Variants in ZNF385D observed in about 807,000 individuals in gnomAD.
ZNF385D encodes the protein zinc finger protein 659.
A neutral mutation model predicts 35.8 loss-of-function variants in ZNF385D; 15 were observed. The ratio of observed to expected loss-of-function variants is 0.42; its 90% CI spans 0.28 to 0.64. The LOEUF (loss-of-function observed/expected upper bound fraction) is 0.64. ZNF385D is among the 30% of genes least tolerant of loss of function. The probability of loss-of-function intolerance (pLI) is 0.23; values close to 1 mark genes in which losing one functional copy is unlikely to be tolerated. For missense variants in ZNF385D, 474 were observed against 494.6 expected, an observed-to-expected ratio of 0.96 and a Z score of 0.39; for synonymous variants, 212 against 186.8, an observed-to-expected ratio of 1.13 and a Z score of -1.10.
At chr3:21,488,085 T>C (rs1559339597) in intron 4 of ZNF385D, among the ~76,000 whole-genome samples, 1 of 152,090 alleles carries the variant, frequency 6.6e-6, no homozygotes, top group Non-Finnish European at 1.5e-5. Context: ...TCACACTCTT[T>C]CCTGGTTGAA....
chr3:22,063,666 A>T (rs376952348), intron 3 of ZNF385D, among the ~76,000 whole-genome samples: 6 of 152,318 alleles, frequency 3.9e-5, no homozygotes, highest in African/African-American at 1.4e-4. Flanking sequence ...GCTGCTAGGC[A>T]TGCTGCGTGC....
At chr3:22,162,283 G>C (rs892379410) in intron 3 of ZNF385D, among the ~76,000 whole-genome samples, 1 of 152,118 alleles carries the variant, frequency 6.6e-6, no homozygotes, top group Non-Finnish European at 1.5e-5. Flanking sequence ...GCTATTCAGA[G>C]GGGCTACAGA....
At chr3:22,145,622 C>T (rs183027846) in intron 3 of ZNF385D, among the ~76,000 whole-genome samples, 117 of 152,226 alleles carry the variant, frequency 7.7e-4, no homozygotes, top group African/African-American at 2.7e-3. Context: ...CAAATATATG[C>T]GATTTTGGGG....
At chr3:22,092,339 C>G (rs952697095) in intron 3 of ZNF385D, among the ~76,000 whole-genome samples, 1 of 152,154 alleles carries the variant, frequency 6.6e-6, no homozygotes, top group Non-Finnish European at 1.5e-5. Context: ...TCCTACAACA[C>G]AGCTTGTTTC....
chr3:21,798,902 T>TA (rs1438386850), intron 3 of ZNF385D, among the ~76,000 whole-genome samples: 1 of 152,170 alleles, frequency 6.6e-6, no homozygotes, highest in African/African-American at 2.4e-5. Context: ...TCTATATAGT[T>TA]AAAAAATATT....
intron 2 of ZNF385D, among the ~76,000 whole-genome samples, chr3:22,257,055 G>A (rs987347695): frequency 2.6e-5 from 4 of 151,808 alleles, no homozygotes; most frequent in African/African-American, 9.7e-5. Flanking sequence ...ATAAAAAGAA[G>A]AAAATTTCTG....
intron 1 of ZNF385D, among the ~76,000 whole-genome samples, chr3:21,742,556 T>G (rs551347854): frequency 6.6e-6 from 1 of 152,300 alleles, no homozygotes; most frequent in South Asian, 2.1e-4. Flanking sequence ...CGGCCTCGGC[T>G]CAGTTCTACC....
intron 3 of ZNF385D, among the ~76,000 whole-genome samples, chr3:21,946,911 A>G (rs1701817243): frequency 6.6e-6 from 1 of 152,252 alleles, no homozygotes; most frequent in Non-Finnish European, 1.5e-5. Context: ...TTAAGAAGCC[A>G]TATCACATTG....
rs202155470 is a variant in ZNF385D, at chr3:22,066,468, G to A, written c.325+102349C>T. ...CTGGGTGAGATGGTTCCCCGTGTGT[G>A]TGTGTGTGTGTGTGTGTGTGTGTGT... On this transcript the variant is annotated intron_variant, in intron 3 of 5. Transcript: ENST00000494108. Among the ~76,000 whole-genome samples, 5 of 141,730 alleles carry A rather than the reference G, an allele frequency of 3.5e-5. No homozygotes were observed. In the South Asian group the frequency reaches 1.2e-3, roughly 34 times the overall value. The allele number at this position is 141,730 out of a possible 152,430, so 93.0% of individuals were successfully genotyped here. A position where few individuals can be genotyped will look rare whatever the true frequency, so the allele number is the denominator to read the frequency against.
intron 3 of ZNF385D, among the ~76,000 whole-genome samples, chr3:22,096,739 T>A (rs919796730): frequency 1.3e-5 from 2 of 152,068 alleles, no homozygotes; most frequent in Non-Finnish European, 2.9e-5. Flanking sequence ...CTATGTGTCA[T>A]GGCACATGAA....
chr3:21,628,324 G>A (rs2065189839), intron 2 of ZNF385D, among the ~76,000 whole-genome samples: 1 of 152,080 alleles, frequency 6.6e-6, no homozygotes, highest in Admixed American at 6.6e-5. Flanking sequence ...AGCATTAACT[G>A]AGGAAGGTTG....
rs768869702 is a variant in ZNF385D at position 21,950,896 on chromosome 3, T to C, written c.325+217921A>G. On this transcript the variant is annotated intron_variant, in intron 3 of 5. Coordinates refer to the ZNF385D transcript ENST00000494108. Reference sequence around the variant, plus strand: ...TTTCTGAGGCCTCTATTTTGTTCCATTGGTCTGTATATCTGTTTTGGTACC... The same window carrying C: ...TTTCTGAGGCCTCTATTTTGTTCCACTGGTCTGTATATCTGTTTTGGTACC... 2.0e-5 allele frequency among the ~76,000 whole-genome samples: 3 copies of C among 151,808 alleles called. No individual in the cohort carries two copies. In the East Asian group the frequency reaches 5.8e-4, roughly 29 times the overall value.
chr3:22,117,647 C>A (rs1055911262), intron 3 of ZNF385D, among the ~76,000 whole-genome samples: 1 of 151,576 alleles, frequency 6.6e-6, no homozygotes, highest in African/African-American at 2.4e-5. Flanking sequence ...TAGATATTTA[C>A]TTTTAAATAA....
intron 3 of ZNF385D, among the ~76,000 whole-genome samples, chr3:21,847,380 A>T (rs550627028): frequency 1.5e-4 from 22 of 151,130 alleles, no homozygotes; most frequent in African/African-American, 4.7e-4. Context: ...ATATCAAAAA[A>T]TTAAAATAAG....
chr3:22,217,673 A>G (rs1465457676), intron 2 of ZNF385D, among the ~76,000 whole-genome samples: 1 of 152,164 alleles, frequency 6.6e-6, no homozygotes, highest in East Asian at 1.9e-4. Flanking sequence ...TCTAAGGTAC[A>G]TTACATGTTA....
Position 21,750,950 on chromosome 3 carries a change from T to A in ZNF385D, c.-34A>T. ...CAGCTGGAATCCCACCGCGGTGTCTTCAGCATCAGCTCTCACCCAAGGCTG... is the reference window on the plus strand; with the variant it reads ...CAGCTGGAATCCCACCGCGGTGTCTACAGCATCAGCTCTCACCCAAGGCTG... On this transcript the variant is annotated 5_prime_UTR_variant, in exon 1 of 8. An upstream open reading frame in the 5' UTR gains an earlier in-frame stop. Transcript: ENST00000281523. The A allele has an allele frequency of 6.2e-7, 1 of 1,614,004 alleles. No homozygotes were observed. Among genetic ancestry groups the A allele is most frequent in the Non-Finnish European group, 8.5e-7 (1 of 1,179,980 alleles).
intron 2 of ZNF385D, among the ~76,000 whole-genome samples, chr3:21,643,516 A>G (rs1237790281): frequency 2.6e-5 from 4 of 152,116 alleles, no homozygotes; most frequent in African/African-American, 9.7e-5. Flanking sequence ...ATATGTCTGC[A>G]TGAGAGGTAG....
At chr3:21,961,180 A>G (rs1702568192) in intron 3 of ZNF385D, among the ~76,000 whole-genome samples, 2 of 152,090 alleles carry the variant, frequency 1.3e-5, no homozygotes, top group South Asian at 4.1e-4. Context: ...GTATGCCGTA[A>G]GTATGTGCAA....
chr3:21,422,079 T>A (rs954788197), intron 7 of ZNF385D, among the ~76,000 whole-genome samples: 1 of 152,228 alleles, frequency 6.6e-6, no homozygotes, highest in Non-Finnish European at 1.5e-5. Context: ...CTCTGGCTAG[T>A]AACATCAATA....
Sources: allele counts gnomAD v4.1 joint callset (sites outside exome capture counted in the v4.1 genomes callset), GRCh38; gene constraint gnomAD v4.1.1; transcripts MANE v1.5; gene names NCBI Gene and HGNC (gene_info 2026-07-23, HGNC 2026-07-21).